The following GALNT7 variants were observed in gnomAD, a reference collection of about 807,000 sequenced individuals.
The protein encoded by GALNT7 is polypeptide N-acetylgalactosaminyltransferase 7, also known as N-acetylgalactosaminyltransferase 7.
A neutral mutation model predicts 82.1 loss-of-function variants in GALNT7; 60 were observed. That is an observed-to-expected ratio of 0.73 (90% CI 0.59 to 0.91). The LOEUF (loss-of-function observed/expected upper bound fraction) is 0.91, where lower values mean the gene tolerates loss of function less well. GALNT7 is among the 40% of genes least tolerant of loss of function. The probability of loss-of-function intolerance (pLI) is 0.00; values close to 1 mark genes in which losing one functional copy is unlikely to be tolerated. For missense variants in GALNT7, 660 were observed against 804.2 expected (o/e 0.82, Z 2.17); for synonymous variants, 243 against 275.1 (o/e 0.88, Z 1.15).
At chr4:173,247,907 A>T (rs535825704) in intron 1 of GALNT7, 73 bp from the exon 2 acceptor site, 1 of 940,762 alleles carries the variant, frequency 1.1e-6, no homozygotes, top group South Asian at 1.6e-5. Context: ...AAAACCTGAA[A>T]ATTGGTCTCA....
intron 1 of GALNT7, among the ~76,000 whole-genome samples, chr4:173,209,779 G>A (rs1343884617): frequency 1.3e-5 from 2 of 152,190 alleles, no homozygotes; most frequent in Admixed American, 1.3e-4. Context: ...CCGGGTGCCA[G>A]CACAAAGTTT....
intron 1 of GALNT7, among the ~76,000 whole-genome samples, chr4:173,218,203 G>C (rs527687127): frequency 2.6e-4 from 40 of 152,234 alleles, no homozygotes; most frequent in African/African-American, 9.1e-4. Context: ...ATTTTCTGTA[G>C]ATTAGAAGTC....
chr4:173,275,096 G>A lies in GALNT7; in HGVS notation c.588-17012G>A, dbSNP rs1216308509. On this transcript the variant is annotated intron_variant, in intron 2 of 11. Transcript: ENST00000265000. ...CTTCTCTCATGGTATCTCAACATGGGGAGCATAACTTTCTCATTTTTGGGG... is the reference window on the plus strand; with the variant it reads ...CTTCTCTCATGGTATCTCAACATGGAGAGCATAACTTTCTCATTTTTGGGG... 2.0e-5 allele frequency among the ~76,000 whole-genome samples: 3 copies of A among 152,180 alleles called. No homozygotes were observed. The South Asian group carries it at 6.2e-4, about 32-fold the overall frequency.
At chr4:173,242,493 A>C (rs1000355660) in intron 1 of GALNT7, among the ~76,000 whole-genome samples, 17 of 152,208 alleles carry the variant, frequency 1.1e-4, no homozygotes, top group Non-Finnish European at 1.5e-5. Context: ...CTAGATATTT[A>C]AGGACTGGTA....
rs1333312937 is a variant in GALNT7, at chr4:173,292,511, A to G, written c.754+237A>G. 6.6e-6 allele frequency among the ~76,000 whole-genome samples: 1 copy of G among 152,240 alleles called. No individual in the cohort carries two copies. The highest frequency in any genetic ancestry group is 1.5e-5 in the Non-Finnish European group (1 of 68,028). On this transcript the variant is annotated intron_variant, in intron 3 of 11. Transcript: ENST00000265000. This position sits in a 1 kb window ranked among gnomAD's most constrained non-coding sequence, Gnocchi z 4.8. Reference sequence around the variant, plus strand: ...TTTACACGCTCAGAGATGTACAAGTAGTACACAAAAATTTGGTTGTACACA... The same window carrying G: ...TTTACACGCTCAGAGATGTACAAGTGGTACACAAAAATTTGGTTGTACACA...
chr4:173,278,334 G>T (rs886357621), intron 2 of GALNT7, among the ~76,000 whole-genome samples: 1 of 152,320 alleles, frequency 6.6e-6, no homozygotes, highest in Non-Finnish European at 1.5e-5. Context: ...TTGAATGATA[G>T]TGCAATTAGG....
chr4:173,220,810 G>A (rs1290159377), intron 1 of GALNT7, among the ~76,000 whole-genome samples: 1 of 152,026 alleles, frequency 6.6e-6, no homozygotes, highest in African/African-American at 2.4e-5. Flanking sequence ...CTTCATCCAT[G>A]TCCCTACAAA....
chr4:173,294,805 TTATAATG>T (rs1736661429), intron 3 of GALNT7, among the ~76,000 whole-genome samples: 1 of 152,116 alleles, frequency 6.6e-6, no homozygotes, highest in South Asian at 2.1e-4. Flanking sequence ...AGAATTATAT[TTATAATG>T]TATAATTATA....
chr4:173,291,815 A>G (rs900306201), intron 2 of GALNT7, among the ~76,000 whole-genome samples: 82 of 151,788 alleles, frequency 5.4e-4, no homozygotes, highest in African/African-American at 1.9e-3. Flanking sequence ...AAAAAAGCCA[A>G]CCACCTGATA....
At chr4:173,300,616 G>A (rs1423866890) in intron 6 of GALNT7, among the ~76,000 whole-genome samples, 1 of 151,558 alleles carries the variant, frequency 6.6e-6, no homozygotes, top group East Asian at 2.0e-4. Flanking sequence ...AGCCGTGAAG[G>A]ACTCAACGGG....
At position 173,298,187 on chromosome 4, in the gene GALNT7, T is replaced by C; in HGVS notation, c.1038T>C (p.Gly346=). The C allele has an allele frequency of 6.2e-7, 1 of 1,613,058 alleles. No homozygotes were observed. Among genetic ancestry groups the C allele is most frequent in the Non-Finnish European group, 8.5e-7 (1 of 1,179,100 alleles). Reference sequence around the variant, plus strand: ...ATGAAATTATACCCCAAGGGGGTGGTGATGAAGATGGGTATGCCCGAGGAG... The same window carrying C: ...ATGAAATTATACCCCAAGGGGGTGGCGATGAAGATGGGTATGCCCGAGGAG... ...NTYEIIPQGG[G]DEDGYARGAW... is the part of the protein sequence containing the mutation. The change falls in exon 6 of 12, where the codon GGT becomes GGC. Residue 346 remains glycine, a synonymous_variant. Coordinates refer to ENST00000265000, the MANE Select transcript of GALNT7 (RefSeq NM_017423.3).
At chr4:173,244,075 A>G (rs537332323) in intron 1 of GALNT7, among the ~76,000 whole-genome samples, 26 of 152,324 alleles carry the variant, frequency 1.7e-4, no homozygotes, top group Non-Finnish European at 2.9e-5. Flanking sequence ...AACCAAATCC[A>G]GCCCAACACC....
chr4:173,263,786 A>C (rs1433967256), intron 2 of GALNT7, among the ~76,000 whole-genome samples: 3 of 152,210 alleles, frequency 2.0e-5, no homozygotes, highest in African/African-American at 7.2e-5. Context: ...TGGAATGCCA[A>C]GAATTCATTG....
rs3775590 is a variant in GALNT7, at chr4:173,322,480, T to C, written c.*763T>C. On this transcript the variant is annotated 3_prime_UTR_variant, in exon 12 of 12. Coordinates refer to ENST00000265000, the MANE Select transcript of GALNT7 (RefSeq NM_017423.3). ...GGGTTGGAAGTTGTGTAGCATTCACTCCCTTACCTACTGGCATTCCCAGTG... is the reference window on the plus strand; with the variant it reads ...GGGTTGGAAGTTGTGTAGCATTCACCCCCTTACCTACTGGCATTCCCAGTG... 0.061 allele frequency: 9,278 copies of C among 152,256 alleles called. 448 individuals carry two copies. The highest frequency in any genetic ancestry group is 0.13 in the African/African-American group (5,304 of 41,510). 9.4% of individuals were successfully genotyped at this position (152,256 alleles called of 1,614,324 possible). A position where few individuals can be genotyped will look rare whatever the true frequency, so the allele number is the denominator to read the frequency against.
chr4:173,237,735 G>A (rs1734281084), intron 1 of GALNT7, among the ~76,000 whole-genome samples: 1 of 148,596 alleles, frequency 6.7e-6, no homozygotes, highest in Admixed American at 6.9e-5. Context: ...CAAAGGATAG[G>A]CCTAAATAAG....
intron 5 of GALNT7, among the ~76,000 whole-genome samples, chr4:173,296,293 A>G (rs73872541): frequency 6.6e-6 from 1 of 152,200 alleles, no homozygotes; most frequent in African/African-American, 2.4e-5. Flanking sequence ...GAAACTTTAA[A>G]GTTTAGAAAT....
chr4:173,283,504 G>T (rs916004457), intron 2 of GALNT7, among the ~76,000 whole-genome samples: 7 of 152,082 alleles, frequency 4.6e-5, no homozygotes, highest in African/African-American at 1.7e-4. Context: ...GCTGGGCGTG[G>T]TGGCAGGCAC....
rs141037194 is a variant in GALNT7 at position 173,196,252 on chromosome 4, G to A, written c.126+27291G>A. Among the ~76,000 whole-genome samples, 1,385 of 151,960 alleles carry A rather than the reference G, an allele frequency of 9.1e-3. 20 individuals are homozygous for A. The highest frequency in any genetic ancestry group is 0.032 in the African/African-American group (1,327 of 41,418). On this transcript the variant is annotated intron_variant, in intron 1 of 11. Transcript: ENST00000265000. ...TCATTCTCTTGCCTCAGCCTCCCAAGTAGCTGGGATTACAGGCGCCTGCCA... is the reference window on the plus strand; with the variant it reads ...TCATTCTCTTGCCTCAGCCTCCCAAATAGCTGGGATTACAGGCGCCTGCCA...
chr4:173,253,582 T>C (rs1415135116), intron 2 of GALNT7, among the ~76,000 whole-genome samples: 2 of 151,988 alleles, frequency 1.3e-5, no homozygotes, highest in African/African-American at 4.8e-5. Context: ...AAAAAGGAGA[T>C]TCAGTGTAAG....
Sources: allele counts gnomAD v4.1 joint callset (sites outside exome capture counted in the v4.1 genomes callset), GRCh38; gene constraint gnomAD v4.1.1; non-coding constraint Gnocchi (gnomAD v3.1); transcripts MANE v1.5; gene names NCBI Gene and HGNC (gene_info 2026-07-23, HGNC 2026-07-21).